The following ZNF2 variants were observed in gnomAD, a reference collection of about 807,000 sequenced individuals.
The protein encoded by ZNF2 is zinc finger protein 2, also known as zinc finger protein 2.2.
A neutral mutation model predicts 21.9 loss-of-function variants in ZNF2; 12 were observed. That is an observed-to-expected ratio of 0.55 (90% confidence interval 0.35 to 0.89). The LOEUF (loss-of-function observed/expected upper bound fraction) is 0.89. ZNF2 is among the 40% of genes least tolerant of loss of function. The pLI is 0.01. For missense variants in ZNF2, 462 were observed against 544.2 expected, an observed-to-expected ratio of 0.85 and a Z score of 1.50; for synonymous variants, 186 against 196.3, an observed-to-expected ratio of 0.95 and a Z score of 0.44.
At chr2:95,180,117 A>T (rs371859077) in intron 3 of ZNF2, 42 bp from the exon 4 acceptor site, 2 of 1,408,852 alleles carry the variant, frequency 1.4e-6, no homozygotes, top group Non-Finnish European at 2.0e-6. Flanking sequence ...TATTATTTTC[A>T]TCACACACAG....
chr2:95,175,383 C>T (rs567471217), intron 1 of ZNF2, among the ~76,000 whole-genome samples: 9 of 152,236 alleles, frequency 5.9e-5, no homozygotes, highest in East Asian at 3.9e-4. Context: ...TAGGTCTTTG[C>T]GTCAGTGTTT....
chr2:95,166,261 C>A (rs1294458700), intron 1 of ZNF2, among the ~76,000 whole-genome samples: 3 of 151,720 alleles, frequency 2.0e-5, no homozygotes, highest in Admixed American at 2.0e-4. Flanking sequence ...TGGGCCTCCG[C>A]ACGAGTGCTG....
chr2:95,182,076 A>G lies in ZNF2; in HGVS notation c.1248A>G (p.Gln416=). The G allele has an allele frequency of 1.9e-6, 3 of 1,610,358 alleles. No individual in the cohort carries two copies. The highest frequency in any genetic ancestry group is 1.1e-5 in the South Asian group (1 of 90,854). The change falls in exon 5 of 5, where the codon CAA becomes CAG. Residue 416 remains glutamine (Q), a synonymous_variant. Coordinates refer to ENST00000614034, the MANE Select transcript of ZNF2 (RefSeq NM_021088.4). The part of the protein sequence containing the change: ...FSSKSSVIQH[Q]RRYAKQGID ...CAAAATCTTCTGTTATTCAACATCAACGGCGTTACGCCAAACAGGGAATAG... is the reference window on the plus strand; with the variant it reads ...CAAAATCTTCTGTTATTCAACATCAGCGGCGTTACGCCAAACAGGGAATAG...
At chr2:95,171,714 A>C (rs1404508564) in intron 1 of ZNF2, among the ~76,000 whole-genome samples, 4 of 152,194 alleles carry the variant, frequency 2.6e-5, no homozygotes, top group Non-Finnish European at 4.4e-5. Context: ...GCAGTTTCCA[A>C]CATTTCTGCT....
chr2:95,181,041 C>T (rs1674620350), intron 4 of ZNF2, 62 bp from the exon 5 acceptor site: 1 of 1,560,528 alleles, frequency 6.4e-7, no homozygotes, highest in African/African-American at 1.4e-5. Context: ...CGGAGCATCT[C>T]TTCTTTCTGT....
intron 1 of ZNF2, among the ~76,000 whole-genome samples, chr2:95,172,523 C>A (rs1248875791): frequency 3.3e-5 from 5 of 152,090 alleles, no homozygotes; most frequent in Admixed American, 2.0e-4. Flanking sequence ...TAACTCACCA[C>A]TCAAATTTCA....
rs913878725 is a variant in ZNF2 at position 95,182,273 on chromosome 2, A to T, written c.*167A>T. The T allele has an allele frequency of 2.2e-4, 181 of 816,270 alleles. No individual in the cohort carries two copies. The highest frequency in any genetic ancestry group is 3.1e-4 in the Non-Finnish European group (169 of 539,484). The allele number at this position is 816,270 out of a possible 1,614,324, so 50.6% of individuals were successfully genotyped here. A position where few individuals can be genotyped will look rare whatever the true frequency, so the allele number is the denominator to read the frequency against. ...GCACTCCCTTCCTGCTGTGTTATAG[A>T]ACTGTAGGGGAGGCCATGGAAATGA... On this transcript the variant is annotated 3_prime_UTR_variant, in exon 5 of 5. Coordinates refer to ENST00000614034, the MANE Select transcript of ZNF2 (RefSeq NM_021088.4).
chr2:95,181,310 C>A lies in ZNF2; in HGVS notation c.482C>A (p.Ala161Asp). 6.2e-7 allele frequency: 1 copy of A among 1,614,224 alleles called. No homozygotes were observed. The highest frequency in any genetic ancestry group is 8.5e-7 in the Non-Finnish European group (1 of 1,180,036). Residue 161 changes from alanine to aspartate, a missense_variant, in exon 5 of 5, where the codon GCC becomes GAC. Physicochemically the swap from Ala to Asp is moderately radical, Grantham distance 126 (BLOSUM62 -2). Coordinates refer to ENST00000614034, the MANE Select transcript of ZNF2 (RefSeq NM_021088.4). Reference sequence around the variant, plus strand: ...GACAAAGGCTTGCGGCGACGGTCAGCCCTGTCCAGGGAAATTCTCACTAAA... The same window carrying A: ...GACAAAGGCTTGCGGCGACGGTCAGACCTGTCCAGGGAAATTCTCACTAAA... ...SRDKGLRRRS[A>D]LSREILTKER...
At chr2:95,177,168 T>A (rs984193500) in intron 2 of ZNF2, among the ~76,000 whole-genome samples, 6 of 152,126 alleles carry the variant, frequency 3.9e-5, no homozygotes, top group African/African-American at 1.4e-4. Context: ...AAAGTAAATG[T>A]GGAAAATGTT....
At position 95,181,284 on chromosome 2, in the gene ZNF2, G is replaced by C; in HGVS notation, c.456G>C (p.Arg152=). 1 of 1,614,174 alleles carries C rather than the reference G, an allele frequency of 6.2e-7. No individual in the cohort carries two copies. ...SGETRKKSLS[R]DKGLRRRSAL... is the part of the protein sequence containing the mutation. Reference sequence around the variant, plus strand: ...AGACTCGTAAGAAATCCCTCTCCCGGGACAAAGGCTTGCGGCGACGGTCAG... The same window carrying C: ...AGACTCGTAAGAAATCCCTCTCCCGCGACAAAGGCTTGCGGCGACGGTCAG... Residue 152 remains arginine (R), a synonymous_variant, in exon 5 of 5, where the codon CGG becomes CGC. Coordinates refer to ENST00000614034, the MANE Select transcript of ZNF2 (RefSeq NM_021088.4).
At chr2:95,179,394 T>C (rs958925563) in intron 3 of ZNF2, among the ~76,000 whole-genome samples, 29 of 152,362 alleles carry the variant, frequency 1.9e-4, no homozygotes, top group African/African-American at 6.7e-4. Flanking sequence ...TCTTTTTGCT[T>C]GTATACACTT....
rs1452655081 is a variant in ZNF2, at chr2:95,182,123, G to T, written c.*17G>T. On this transcript the variant is annotated 3_prime_UTR_variant, in exon 5 of 5. Coordinates refer to ENST00000614034, the MANE Select transcript of ZNF2 (RefSeq NM_021088.4). ...ATAGACTGAGTTGGGCAAAAGCTTGGGTAGGACAAGAACTTCCATACAAAT... is the reference window on the plus strand; with the variant it reads ...ATAGACTGAGTTGGGCAAAAGCTTGTGTAGGACAAGAACTTCCATACAAAT... The T allele has an allele frequency of 6.4e-7, 1 of 1,574,236 alleles. No individual in the cohort carries two copies. Among genetic ancestry groups the T allele is most frequent in the Admixed American group, 1.8e-5 (1 of 55,392 alleles).
At chr2:95,168,393 C>T (rs1674158689) in intron 1 of ZNF2, among the ~76,000 whole-genome samples, 1 of 150,350 alleles carries the variant, frequency 6.7e-6, no homozygotes, top group Non-Finnish European at 1.5e-5. Context: ...CCATTGCACT[C>T]CAGCCTGGGC....
chr2:95,180,005 C>T (rs1310423506), intron 3 of ZNF2, among the ~76,000 whole-genome samples, 154 bp from the exon 4 acceptor site: 3 of 152,130 alleles, frequency 2.0e-5, no homozygotes, highest in Non-Finnish European at 2.9e-5. Context: ...TGCAGTGAGC[C>T]GAGATCAGGC....
intron 3 of ZNF2, among the ~76,000 whole-genome samples, chr2:95,179,882 C>A (rs1674577132): frequency 6.6e-6 from 1 of 152,156 alleles, no homozygotes; most frequent in Non-Finnish European, 1.5e-5. Context: ...GATGGCAAAG[C>A]CCCATCTCTA....
In ZNF2 at chr2:95,177,483, G is replaced by A. The variant is rs1195302608; in HGVS notation, c.34G>A (p.Glu12Lys). ...AGGGAGAATGTGATTGTATTTTCAG[G>A]AATCAGTGACATTCGAAGACGTTGC... is the stretch of plus-strand genomic sequence containing the variant. ...AAVSPTTRCQ[E>K]SVTFEDVAVV... Residue 12 changes from glutamate (E) to lysine (K), a missense_variant and splice_region_variant, in exon 3 of 5, where the codon GAA becomes AAA. Coordinates refer to ENST00000614034, the MANE Select transcript of ZNF2 (RefSeq NM_021088.4). The A allele has an allele frequency of 1.9e-6, 3 of 1,613,622 alleles. No homozygotes were observed. Among genetic ancestry groups the A allele is most frequent in the Non-Finnish European group, 2.5e-6 (3 of 1,179,738 alleles).
chr2:95,179,561 C>T (rs1199803959), intron 3 of ZNF2, among the ~76,000 whole-genome samples: 2 of 152,148 alleles, frequency 1.3e-5, no homozygotes, highest in African/African-American at 4.8e-5. Flanking sequence ...TTCATCCTAC[C>T]AGTGCTAACA....
intron 1 of ZNF2, among the ~76,000 whole-genome samples, chr2:95,174,243 T>C (rs1288259426): frequency 6.6e-6 from 1 of 152,214 alleles, no homozygotes; most frequent in Admixed American, 6.5e-5. Flanking sequence ...ACTTATTTCC[T>C]AGTATAAATT....
Position 95,184,257 on chromosome 2 carries a change from T to G in ZNF2, c.*2151T>G, listed in dbSNP as rs1426370835. 6.6e-6 allele frequency: 1 copy of G among 152,222 alleles called. No homozygotes were observed. The highest frequency in any genetic ancestry group is 2.4e-5 in the African/African-American group (1 of 41,450). 9.4% of individuals were successfully genotyped at this position (152,222 alleles called of 1,614,324 possible). On this transcript the variant is annotated 3_prime_UTR_variant, in exon 5 of 5. Coordinates refer to ENST00000614034, the MANE Select transcript of ZNF2 (RefSeq NM_021088.4). ...AAACACATAACAGAATCTATAGGTGTGGACAATATGTGATATTGCTAAATA... is the reference window on the plus strand; with the variant it reads ...AAACACATAACAGAATCTATAGGTGGGGACAATATGTGATATTGCTAAATA...
Sources: gnomAD v4.1 joint callset for allele counts (sites outside exome capture counted in the v4.1 genomes callset) on GRCh38, gnomAD v4.1.1 for gene constraint, MANE v1.5 for transcripts, NCBI Gene and HGNC (gene_info 2026-07-23, HGNC 2026-07-21) for gene names.